HEY2: variants seen among roughly 807,000 people sequenced by gnomAD.
HEY2 encodes hairy/enhancer-of-split related with YRPW motif protein 2.
In HEY2, 10 loss-of-function variants were observed where a neutral mutation model predicts 18.1. The observed-to-expected ratio is 0.55, with a 90% CI of 0.34 to 0.94. The LOEUF (loss-of-function observed/expected upper bound fraction) is 0.94. Among genes scored for constraint, HEY2 ranks in the 40% least tolerant of loss-of-function variants. The pLI is 0.02. For synonymous variants in HEY2, 210 were observed against 182.7 expected, an observed-to-expected ratio of 1.15 and a Z score of -1.21; for missense variants, 455 against 455.9, an observed-to-expected ratio of 1.00 and a Z score of 0.02.
At chr6:125,750,306 G>A in intron 1 of HEY2, 1 of 985,232 alleles carries the variant, frequency 1.0e-6, no homozygotes, top group Non-Finnish European at 1.2e-6. Flanking sequence ...AAAGCAACCT[G>A]CGATGTCAAG....
In HEY2 at chr6:125,753,378, A is replaced by G. The variant is rs1438118032; in HGVS notation, c.247-1087A>G. Among the ~76,000 whole-genome samples, 3 of 152,216 alleles carry G rather than the reference A, an allele frequency of 2.0e-5. No homozygotes were observed. In the East Asian group the frequency reaches 5.8e-4, roughly 29 times the overall value. ...CAGTTGTTTGGCAGTTAGTTACCAT[A>G]AACACAAGCTTTCCCATTTGCAGAG... is the stretch of plus-strand genomic sequence containing the variant. On this transcript the variant is annotated intron_variant, in intron 3 of 4. Coordinates refer to ENST00000368364, the MANE Select transcript of HEY2 (RefSeq NM_012259.3).
chr6:125,755,850 GA>G (rs954327746), intron 4 of HEY2, among the ~76,000 whole-genome samples: 1 of 152,180 alleles, frequency 6.6e-6, no homozygotes, highest in African/African-American at 2.4e-5. Context: ...TCTGACCTAA[GA>G]AAAAAGTCTG....
rs750105945 is a variant in HEY2, at chr6:125,759,944, C to G, written c.*142C>G. ...AAAGCTATTTGAGACACAAACCTCA[C>G]GAGTGGAAATGTGGTATTCTCTTTT... On this transcript the variant is annotated 3_prime_UTR_variant, in exon 5 of 5. Coordinates refer to ENST00000368364, the MANE Select transcript of HEY2 (RefSeq NM_012259.3). 1 of 703,598 alleles carries G rather than the reference C, an allele frequency of 1.4e-6. No individual in the cohort carries two copies. The highest frequency in any genetic ancestry group is 2.9e-5 in the Admixed American group (1 of 34,058). The allele number at this position is 703,598 out of a possible 1,614,324, so 43.6% of individuals were successfully genotyped here.
intron 3 of HEY2, among the ~76,000 whole-genome samples, chr6:125,753,390 T>C (rs1250289950): frequency 1.3e-5 from 2 of 152,178 alleles, no homozygotes; most frequent in African/African-American, 4.8e-5. Context: ...ACACAAGCTT[T>C]CCCATTTGCA....
At chr6:125,755,414 G>A (rs1773635317) in intron 4 of HEY2, among the ~76,000 whole-genome samples, 1 of 152,126 alleles carries the variant, frequency 6.6e-6, no homozygotes, top group African/African-American at 2.4e-5. Context: ...GTGTTATTCA[G>A]TATATTTAAC....
intron 1 of HEY2, chr6:125,750,350 T>A: frequency 1.0e-6 from 1 of 985,444 alleles, no homozygotes; most frequent in Non-Finnish European, 1.2e-6. Flanking sequence ...GTTGACCGTG[T>A]GTGACTTGGC....
intron 1 of HEY2, 91 bp downstream of exon 1, chr6:125,749,950 C>T: frequency 9.2e-7 from 1 of 1,082,216 alleles, no homozygotes; most frequent in Non-Finnish European, 1.4e-6. Context: ...CGAGGCTGGT[C>T]TCCGCAGCAT....
At position 125,759,754 on chromosome 6, in the gene HEY2, A is replaced by G. The variant is rs1403895440; in HGVS notation, c.966A>G (p.Thr322=). ...TSSPQQTSSG[T]NNKPYRPWGT... ...GTCCTCAGCAGACCAGCAGTGGAAC[A>G]AACAATAAACCTTACCGACCCTGGG... Residue 322 remains threonine, a synonymous_variant, in exon 5 of 5, where the codon ACA becomes ACG. Coordinates refer to ENST00000368364, the MANE Select transcript of HEY2 (RefSeq NM_012259.3). 1.9e-6 allele frequency: 3 copies of G among 1,613,992 alleles called. No individual in the cohort carries two copies. Among genetic ancestry groups the G allele is most frequent in the Admixed American group, 3.3e-5 (2 of 60,028 alleles).
chr6:125,757,405 T>C (rs1166991099), intron 4 of HEY2, among the ~76,000 whole-genome samples: 1 of 152,256 alleles, frequency 6.6e-6, no homozygotes, highest in African/African-American at 2.4e-5. Flanking sequence ...TGATCTTCCG[T>C]ATTTCATGAT....
In HEY2 at chr6:125,761,034, A is replaced by G. The variant is rs888398659; in HGVS notation, c.*1232A>G. The G allele has an allele frequency of 6.5e-6, 1 of 152,690 alleles. No homozygotes were observed. Among genetic ancestry groups the G allele is most frequent in the Admixed American group, 6.5e-5 (1 of 15,286 alleles). The allele number at this position is 152,690 out of a possible 1,614,324, so 9.5% of individuals were successfully genotyped here. On this transcript the variant is annotated 3_prime_UTR_variant, in exon 5 of 5. Transcript: ENST00000368364. ...ATAATCTCTTAATATGCTGAAATCA[A>G]GCACGTGAGAGTTTTTGTTTAAAAG...
chr6:125,759,566 C>T lies in HEY2; in HGVS notation c.778C>T (p.Leu260Phe). 3 of 1,610,930 alleles carry T rather than the reference C, an allele frequency of 1.9e-6. No individual in the cohort carries two copies. Among genetic ancestry groups the T allele is most frequent in the East Asian group, 2.2e-5 (1 of 44,872 alleles). The part of the protein sequence containing the change: ...VPPLSTSLLS[L>F]SATVHAAAAA... ...ACCTCTCTCCACCTCTCTCTTGTCC[C>T]TCTCTGCCACCGTCCACGCCGCAGC... is the stretch of plus-strand genomic sequence containing the variant. Residue 260 changes from leucine (L) to phenylalanine (F), a missense_variant, in exon 5 of 5, where the codon CTC becomes TTC. Leu to Phe is a conservative substitution (Grantham distance 22). Transcript: ENST00000368364.
In HEY2 at chr6:125,749,641, G is replaced by A. The variant is rs1322680886; in HGVS notation, c.-136G>A. The A allele has an allele frequency of 4.0e-6, 2 of 503,992 alleles. No homozygotes were observed. Among genetic ancestry groups the A allele is most frequent in the South Asian group, 3.5e-5 (1 of 28,926 alleles). 31.2% of individuals were successfully genotyped at this position (503,992 alleles called of 1,614,324 possible). A position where few individuals can be genotyped will look rare whatever the true frequency, so the allele number is the denominator to read the frequency against. Reference sequence around the variant, plus strand: ...CAGAGTTGCGGCGTGGGAAAGAGCCGCTAGGAGCAGACCGCGCCGCCGCCG... The same window carrying A: ...CAGAGTTGCGGCGTGGGAAAGAGCCACTAGGAGCAGACCGCGCCGCCGCCG... On this transcript the variant is annotated 5_prime_UTR_variant, in exon 1 of 5. Coordinates refer to ENST00000368364, the MANE Select transcript of HEY2 (RefSeq NM_012259.3).
rs568238414 is a variant in HEY2, at chr6:125,761,176, A to G, written c.*1374A>G. 1.3e-5 allele frequency: 2 copies of G among 152,758 alleles called. No individual in the cohort carries two copies. The highest frequency in any genetic ancestry group is 2.1e-4 in the South Asian group (1 of 4,826). 9.5% of individuals were successfully genotyped at this position (152,758 alleles called of 1,614,324 possible). ...TATACTTTTAAATATTTGTTTTGAA[A>G]TTACTGTACCTAGTCTTTTTTGCAT... On this transcript the variant is annotated 3_prime_UTR_variant, in exon 5 of 5. Coordinates refer to ENST00000368364, the MANE Select transcript of HEY2 (RefSeq NM_012259.3).
At chr6:125,755,575 A>G (rs911138556) in intron 4 of HEY2, among the ~76,000 whole-genome samples, 35 of 152,258 alleles carry the variant, frequency 2.3e-4, no homozygotes, top group African/African-American at 8.4e-4. Context: ...ACTGTTACCA[A>G]TATTTAACTC....
chr6:125,755,187 A>G (rs1773631197), intron 4 of HEY2, among the ~76,000 whole-genome samples: 1 of 152,124 alleles, frequency 6.6e-6, no homozygotes, highest in Non-Finnish European at 1.5e-5. Context: ...CTCCAGGTCC[A>G]GGGCCCTAGA....
chr6:125,759,376 G>A lies in HEY2; in HGVS notation c.588G>A (p.Leu196=). The A allele has an allele frequency of 6.2e-7, 1 of 1,607,544 alleles. No individual in the cohort carries two copies. Among genetic ancestry groups the A allele is most frequent in the Non-Finnish European group, 8.5e-7 (1 of 1,177,918 alleles). Residue 196 remains leucine, a synonymous_variant, in exon 5 of 5, where the codon CTG becomes CTA. Coordinates refer to ENST00000368364, the MANE Select transcript of HEY2 (RefSeq NM_012259.3). ...CCTTCCACCACCTGCCCGCAGCCCT[G>A]CTCCAGCCCAACGGCCTCCATGCCT... is the stretch of plus-strand genomic sequence containing the variant. ...AAAFHHLPAA[L]LQPNGLHASE...
chr6:125,750,407 T>A (rs1263152344), intron 1 of HEY2: 1 of 985,122 alleles, frequency 1.0e-6, no homozygotes, highest in East Asian at 1.1e-4. Flanking sequence ...AGGGCATCAT[T>A]TCTTTGACTG....
intron 3 of HEY2, among the ~76,000 whole-genome samples, chr6:125,753,932 G>T (rs1303171959): frequency 5.3e-5 from 8 of 152,048 alleles, no homozygotes; most frequent in South Asian, 2.1e-4. Flanking sequence ...CCAATTATAT[G>T]GTTCTAGTGT....
chr6:125,751,874 A>G lies in HEY2; in HGVS notation c.157A>G (p.Arg53Gly). The change falls in exon 2 of 5, where the codon AGA (arginine) becomes GGA (glycine). Residue 53 changes from arginine (R) to glycine (G), a missense_variant. Arg to Gly is a moderately radical substitution (Grantham distance 125). Transcript: ENST00000368364. The part of the protein sequence containing the change: ...TSQIMARKKR[R>G]GIIEKRRRDR... ...TCAGATTATGGCAAGAAAGAAAAGGAGAGGGGTATGTGATTTTTCCCCCTT... is the reference window on the plus strand; with the variant it reads ...TCAGATTATGGCAAGAAAGAAAAGGGGAGGGGTATGTGATTTTTCCCCCTT... 6.2e-7 allele frequency: 1 copy of G among 1,612,168 alleles called. No homozygotes were observed. The highest frequency in any genetic ancestry group is 8.5e-7 in the Non-Finnish European group (1 of 1,178,306).
Sources: allele counts gnomAD v4.1 joint callset (sites outside exome capture counted in the v4.1 genomes callset), GRCh38; gene constraint gnomAD v4.1.1; transcripts MANE v1.5; gene names NCBI Gene and HGNC (gene_info 2026-07-23, HGNC 2026-07-21).